The following SRGAP1 variants were observed in gnomAD, a reference collection of about 807,000 sequenced individuals.
SRGAP1 encodes the protein SLIT-ROBO Rho GTPase activating protein 1, also known as SLIT-ROBO Rho GTPase-activating protein 1.
In SRGAP1, 43 loss-of-function variants were observed where a neutral mutation model predicts 121.9. The ratio of observed to expected loss-of-function variants is 0.35; its 90% CI spans 0.28 to 0.46. SRGAP1 has a LOEUF of 0.46. Among genes scored for constraint, SRGAP1 ranks in the 20% least tolerant of loss-of-function variants. SRGAP1 has a pLI of 1.00. For synonymous variants in SRGAP1, 447 were observed against 485.4 expected (o/e 0.92, Z 1.04); for missense variants, 1,102 against 1,350.9 (o/e 0.82, Z 2.89).
chr12:63,857,921 C>T lies in SRGAP1; in HGVS notation c.67+13038C>T, dbSNP rs909413988. 2.6e-5 allele frequency among the ~76,000 whole-genome samples: 4 copies of T among 152,174 alleles called. No homozygotes were observed. The South Asian group carries it at 8.3e-4, about 32-fold the overall frequency. On this transcript the variant is annotated intron_variant, in intron 1 of 21. Transcript: ENST00000355086. ...CATTGAGAAAGGAATGCTTTCAGGC[C>T]CCTCCTCCCTTGAAGAATGATGGTT... is the stretch of plus-strand genomic sequence containing the variant.
chr12:64,093,090 G>A (rs1265304588), intron 12 of SRGAP1, among the ~76,000 whole-genome samples: 2 of 152,140 alleles, frequency 1.3e-5, no homozygotes, highest in African/African-American at 4.8e-5. Context: ...TCTCCACAAT[G>A]TCACTGTGAA....
At chr12:63,905,707 G>A (rs148800993) in intron 1 of SRGAP1, among the ~76,000 whole-genome samples, 2 of 152,350 alleles carry the variant, frequency 1.3e-5, no homozygotes, top group Non-Finnish European at 2.9e-5. Flanking sequence ...AAGAACTTAA[G>A]CCACAGTAGC....
chr12:63,892,885 T>TA (rs112926196), intron 1 of SRGAP1, among the ~76,000 whole-genome samples: 10 of 149,792 alleles, frequency 6.7e-5, no homozygotes, highest in East Asian at 1.9e-4. Flanking sequence ...ACTACTGTGC[T>TA]AAAAAAAAAA....
Position 64,035,929 on chromosome 12 carries a change from G to A in SRGAP1, c.490-6861G>A, listed in dbSNP as rs575349325. ...CTGTCAAGAATCATAACTACCCACC[G>A]TGCTGTGTGCTTACATTCTGTCATT... On this transcript the variant is annotated intron_variant, in intron 4 of 21. Coordinates refer to ENST00000355086, the MANE Select transcript of SRGAP1 (RefSeq NM_020762.4). Among the ~76,000 whole-genome samples the A allele has an allele frequency of 3.9e-5, 6 of 152,176 alleles. No homozygotes were observed. In the South Asian group the frequency reaches 6.2e-4, roughly 16 times the overall value.
At chr12:63,874,099 GGAAA>G (rs1308234278) in intron 1 of SRGAP1, among the ~76,000 whole-genome samples, 3 of 151,702 alleles carry the variant, frequency 2.0e-5, no homozygotes, top group African/African-American at 7.3e-5. Flanking sequence ...GAGAAAGAAA[GGAAA>G]GAAAGAAAAT....
chr12:64,005,623 G>A (rs1182595751), intron 3 of SRGAP1, among the ~76,000 whole-genome samples: 1 of 151,896 alleles, frequency 6.6e-6, no homozygotes, highest in East Asian at 1.9e-4. Context: ...TGCAGCCTAG[G>A]AGACAGAGCA....
intron 18 of SRGAP1, among the ~76,000 whole-genome samples, chr12:64,120,144 C>T (rs1038553290): frequency 2.0e-5 from 3 of 152,062 alleles, no homozygotes; most frequent in Non-Finnish European, 4.4e-5. Context: ...TTTTTATAGT[C>T]TCTGGCTATT....
chr12:64,017,483 C>T (rs1241554436), intron 4 of SRGAP1, among the ~76,000 whole-genome samples: 1 of 151,840 alleles, frequency 6.6e-6, no homozygotes, highest in Non-Finnish European at 1.5e-5. Context: ...GGTGAAACCC[C>T]GTCTCTATTA....
At chr12:64,141,795 G>A (rs1484873797) in intron 21 of SRGAP1, among the ~76,000 whole-genome samples, 1 of 151,946 alleles carries the variant, frequency 6.6e-6, no homozygotes, top group Non-Finnish European at 1.5e-5. Context: ...TACAAAAAAT[G>A]TAAATATTAG....
chr12:63,952,103 G>A (rs2032318443), intron 1 of SRGAP1, among the ~76,000 whole-genome samples: 1 of 152,086 alleles, frequency 6.6e-6, no homozygotes, highest in Non-Finnish European at 1.5e-5. Flanking sequence ...CAGTTTTAGA[G>A]TCTGTGTCCT....
intron 1 of SRGAP1, among the ~76,000 whole-genome samples, chr12:63,916,006 A>G (rs2030753642): frequency 6.6e-6 from 1 of 150,592 alleles, no homozygotes; most frequent in African/African-American, 2.4e-5. Flanking sequence ...CAAAATGCTC[A>G]GAAATGGTGT....
intron 1 of SRGAP1, among the ~76,000 whole-genome samples, chr12:63,952,172 C>A (rs2032320657): frequency 6.6e-6 from 1 of 152,074 alleles, no homozygotes; most frequent in South Asian, 2.1e-4. Flanking sequence ...ATTCTGCTTT[C>A]TGTAGCCCTA....
At chr12:64,135,273 C>T (rs974783469) in intron 21 of SRGAP1, among the ~76,000 whole-genome samples, 1 of 152,146 alleles carries the variant, frequency 6.6e-6, no homozygotes, top group Non-Finnish European at 1.5e-5. Flanking sequence ...ACAGTAGACA[C>T]CTGGTGAGGC....
Position 64,065,187 on chromosome 12 carries a change from C to T in SRGAP1, c.1093C>T (p.Arg365Cys), listed in dbSNP as rs766358165. The stretch of plus-strand genomic sequence containing the variant: ...GCTCAGGTACCAACAGTTGCAGTCC[C>T]GCCTTGCCACGCTCAAAATCGAGAA... ...LMLRYQQLQS[R>C]LATLKIENEE... The change falls in exon 8 of 22, where the codon CGC (arginine) becomes TGC (cysteine). Residue 365 changes from arginine to cysteine, a missense_variant. This residue lies in a region of SRGAP1 where 747 missense variants were observed against 929.4 expected (regional missense o/e 0.80). Coordinates refer to ENST00000355086, the MANE Select transcript of SRGAP1 (RefSeq NM_020762.4). 9 of 1,613,472 alleles carry T rather than the reference C, an allele frequency of 5.6e-6. No homozygotes were observed. Among genetic ancestry groups the T allele is most frequent in the South Asian group, 4.4e-5 (4 of 90,986 alleles).
At chr12:64,061,031 C>T (rs1168101711) in intron 6 of SRGAP1, among the ~76,000 whole-genome samples, 1 of 152,090 alleles carries the variant, frequency 6.6e-6, no homozygotes, top group Non-Finnish European at 1.5e-5. Flanking sequence ...TCACTTCTTT[C>T]CTCTTTAAGT....
At chr12:63,898,049 T>C (rs1364875206) in intron 1 of SRGAP1, among the ~76,000 whole-genome samples, 1 of 152,232 alleles carries the variant, frequency 6.6e-6, no homozygotes, top group Non-Finnish European at 1.5e-5. Context: ...GAGCTCGATT[T>C]ATGCTGACTT....
chr12:63,951,202 C>T (rs1229740223), intron 1 of SRGAP1, among the ~76,000 whole-genome samples: 3 of 106,076 alleles, frequency 2.8e-5, no homozygotes, highest in Non-Finnish European at 5.1e-5. Flanking sequence ...CTTGCTCTGT[C>T]ACCCAGGCTG....
intron 1 of SRGAP1, among the ~76,000 whole-genome samples, chr12:63,882,323 C>T (rs568152483): frequency 2.4e-3 from 361 of 152,130 alleles, no homozygotes; most frequent in African/African-American, 8.2e-3. Flanking sequence ...CTCTTGTTGC[C>T]TAGGCTGGAG....
chr12:64,112,347 A>G (rs1013270050), intron 17 of SRGAP1, among the ~76,000 whole-genome samples: 1 of 152,214 alleles, frequency 6.6e-6, no homozygotes, highest in African/African-American at 2.4e-5. Context: ...GGTTTCATAT[A>G]AAGTGTTTTT....
Sources: gnomAD v4.1 joint callset for allele counts (sites outside exome capture counted in the v4.1 genomes callset) on GRCh38, gnomAD v4.1.1 for gene constraint, gnomAD v4.1.1 regional missense constraint, MANE v1.5 for transcripts, NCBI Gene and HGNC (gene_info 2026-07-23, HGNC 2026-07-21) for gene names.